Variants in PLEKHG4 observed in about 807,000 individuals in gnomAD.
PLEKHG4 encodes pleckstrin homology and RhoGEF domain containing G4, also known as puratrophin-1.
PLEKHG4 carries 85 observed loss-of-function variants against 136.9 expected under a neutral mutation model. That is an observed-to-expected ratio of 0.62 (90% CI 0.52 to 0.74). The LOEUF (loss-of-function observed/expected upper bound fraction) is 0.74. Ranked by LOEUF, PLEKHG4 falls within the 30% of genes least tolerant of loss-of-function variation. The probability of loss-of-function intolerance (pLI) is 0.00; values close to 1 mark genes in which losing one functional copy is unlikely to be tolerated. For synonymous variants in PLEKHG4, 577 were observed against 646.9 expected (o/e 0.89, Z 1.64); for missense variants, 1,317 against 1,527.8 (o/e 0.86, Z 2.30).
chr16:67,286,311 A>G lies in PLEKHG4; in HGVS notation c.2480A>G (p.Asn827Ser). The G allele has an allele frequency of 6.2e-7, 1 of 1,614,034 alleles. No individual in the cohort carries two copies. The highest frequency in any genetic ancestry group is 8.5e-7 in the Non-Finnish European group (1 of 1,179,922). Reference protein sequence around the residue: ...QFGMYALYSKNKPRSDALMSS... With the variant: ...QFGMYALYSKSKPRSDALMSS... Reference sequence around the variant, plus strand: ...GGGATGTACGCGCTCTACAGCAAGAATAAGCCTCGCTCCGATGCCCTGATG... The same window carrying G: ...GGGATGTACGCGCTCTACAGCAAGAGTAAGCCTCGCTCCGATGCCCTGATG... The change falls in exon 15 of 22, where the codon AAT (asparagine) becomes AGT (serine). Residue 827 changes from asparagine (N) to serine (S), a missense_variant. Coordinates refer to ENST00000379344, the MANE Select transcript of PLEKHG4 (RefSeq NM_001129729.3).
In PLEKHG4 at chr16:67,281,436, A is replaced by G. The variant is rs1056242933; in HGVS notation, c.814-131A>G. 7.5e-5 allele frequency: 60 copies of G among 804,892 alleles called. No individual in the cohort carries two copies. In the East Asian group the frequency reaches 1.6e-3, roughly 21 times the overall value. The allele number at this position is 804,892 out of a possible 1,614,324, so 49.9% of individuals were successfully genotyped here. On this transcript the variant is annotated intron_variant, in intron 5 of 21. Transcript: ENST00000379344. ...GAGGGGGTTTCACCATGTGTTGCCC[A>G]GGCTGATCTCGAACTCCTGAACTCA... is the stretch of plus-strand genomic sequence containing the variant.
At position 67,289,315 on chromosome 16, in the gene PLEKHG4, G is replaced by T. The variant is rs1236540722; in HGVS notation, c.*507G>T. On this transcript the variant is annotated 3_prime_UTR_variant, in exon 22 of 22. Transcript: ENST00000379344. ...CCAGGCCCAGCCCCTTTTTACTGGG[G>T]CAGTTTCGTTATTTTGACTTGATGC... 4.5e-6 allele frequency: 2 copies of T among 446,464 alleles called. No individual in the cohort carries two copies. Among genetic ancestry groups the T allele is most frequent in the South Asian group, 7.0e-5 (2 of 28,582 alleles). The allele number at this position is 446,464 out of a possible 1,614,324, so 27.7% of individuals were successfully genotyped here.
rs1444880857 is a variant in PLEKHG4 at position 67,284,509 on chromosome 16, C to T, written c.1692+52C>T. The T allele has an allele frequency of 1.6e-5, 25 of 1,579,508 alleles. No homozygotes were observed. Among genetic ancestry groups the T allele is most frequent in the Non-Finnish European group, 2.2e-5 (25 of 1,150,378 alleles). On this transcript the variant is annotated intron_variant, in intron 12 of 21. Coordinates refer to ENST00000379344, the MANE Select transcript of PLEKHG4 (RefSeq NM_001129729.3). This position sits in a 1 kb window ranked among gnomAD's most constrained non-coding sequence, Gnocchi z 4.4. ...GTGATCCATGAGGCCGGAGGGATGG[C>T]AGCCCCAGCTTCAGCAGAGCCTGAG...
intron 18 of PLEKHG4, chr16:67,287,546 T>A (rs756969561): frequency 1.2e-5 from 6 of 482,652 alleles, no homozygotes; most frequent in Non-Finnish European, 2.3e-5. Context: ...ACTACAGGCA[T>A]GTGCCACCAT....
rs1394863423 is a variant in PLEKHG4, at chr16:67,280,534, C to G, written c.490C>G (p.Leu164Val). The change falls in exon 2 of 22, where the codon CTG becomes GTG. Residue 164 changes from leucine to valine, a missense_variant. Physicochemically the swap from Leu to Val is conservative, Grantham distance 32. Coordinates refer to ENST00000379344, the MANE Select transcript of PLEKHG4 (RefSeq NM_001129729.3). This position sits in a 1 kb window ranked among gnomAD's most constrained non-coding sequence, Gnocchi z 4.4. The stretch of plus-strand genomic sequence containing the variant: ...CCCTTTATCAGAAATATCAAAGCTG[C>G]TGGAGGCAGGTAAGGAAGGCTGGGC... Reference protein sequence around the residue: ...GDPLSEISKLLEAAPSGSGLP... With the variant: ...GDPLSEISKLVEAAPSGSGLP... The G allele has an allele frequency of 6.2e-7, 1 of 1,612,812 alleles. No homozygotes were observed. Among genetic ancestry groups the G allele is most frequent in the Non-Finnish European group, 8.5e-7 (1 of 1,179,722 alleles).
At chr16:67,281,684 T>TC (rs748118918) in intron 6 of PLEKHG4, 40 bp downstream of exon 6, 2 of 1,608,052 alleles carry the variant, frequency 1.2e-6, no homozygotes, top group African/African-American at 1.3e-5. Flanking sequence ...GTGGGGTGCC[T>TC]CCCCCCAGGC....
At chr16:67,287,510 C>T (rs902367040) in intron 18 of PLEKHG4, 6 of 495,054 alleles carry the variant, frequency 1.2e-5, no homozygotes, top group Middle Eastern at 1.1e-3. Flanking sequence ...AGCATTCTTC[C>T]CACCTAAGCC....
intron 14 of PLEKHG4, 88 bp from the exon 15 acceptor site, chr16:67,286,186 G>T: frequency 1.1e-6 from 1 of 890,360 alleles, no homozygotes; most frequent in Non-Finnish European, 1.9e-6. Flanking sequence ...CTGGCATTTT[G>T]GTCCTCTCAA....
chr16:67,284,264 T>TGGG lies in PLEKHG4; in HGVS notation c.1510-10_1510-9insGGG. The TGGG allele has an allele frequency of 6.2e-7, 1 of 1,613,016 alleles. No homozygotes were observed. Among genetic ancestry groups the TGGG allele is most frequent in the South Asian group, 1.1e-5 (1 of 90,950 alleles). ...GCCTGGGCTGGCTGAGCCTAGTCTC[T>TGGG]GTCTCTGCAGGAGCAGGTCAGGCAA... On this transcript the variant is annotated splice_polypyrimidine_tract_variant and intron_variant, in intron 11 of 21. Transcript: ENST00000379344. This position sits in a 1 kb window ranked among gnomAD's most constrained non-coding sequence, Gnocchi z 4.4.
Position 67,285,130 on chromosome 16 carries a change from A to G in PLEKHG4, c.2110A>G (p.Arg704Gly). 6 of 1,613,482 alleles carry G rather than the reference A, an allele frequency of 3.7e-6. No individual in the cohort carries two copies. Among genetic ancestry groups the G allele is most frequent in the Non-Finnish European group, 5.1e-6 (6 of 1,180,020 alleles). ...HHAATIAACR[R>G]PEAGGGALPQ... ...TGCGGCCACTATTGCTGCCTGCCGC[A>G]GACCAGAGGCTGGAGGAGGTGCCCT... Residue 704 changes from arginine to glycine, a missense_variant, in exon 13 of 22, where the codon AGA (arginine) becomes GGA (glycine). By Grantham distance (125) the Arg-to-Gly change is moderately radical (BLOSUM62 -2). Transcript: ENST00000379344.
Position 67,284,074 on chromosome 16 carries a change from CGGTGAGG to C in PLEKHG4, c.1510-200_1510-194del, listed in dbSNP as rs1014196468. On this transcript the variant is annotated intron_variant, in intron 11 of 21. Coordinates refer to ENST00000379344, the MANE Select transcript of PLEKHG4 (RefSeq NM_001129729.3). The surrounding 1 kb of genome is among the most constrained non-coding windows in gnomAD (Gnocchi z 4.4). ...GGCTGGTGCGGAGGGCGAGACGAGA[CGGTGAGG>C]ACAGATGATTCCTCTAGGAACTTTG... is the stretch of plus-strand genomic sequence containing the variant. Among the ~76,000 whole-genome samples, 2 of 151,948 alleles carry C rather than the reference CGGTGAGG, an allele frequency of 1.3e-5. No homozygotes were observed. Among genetic ancestry groups the C allele is most frequent in the Admixed American group, 1.3e-4 (2 of 15,246 alleles).
Position 67,282,657 on chromosome 16 carries a change from C to T in PLEKHG4, c.1392+16C>T. ...ACTGCACCAGGTCGGAACTACTTGC[C>T]CAGAGTGGGCCCTGCCCCGATCTCA... On this transcript the variant is annotated intron_variant, in intron 10 of 21. Coordinates refer to ENST00000379344, the MANE Select transcript of PLEKHG4 (RefSeq NM_001129729.3). 1 of 1,613,800 alleles carries T rather than the reference C, an allele frequency of 6.2e-7. No individual in the cohort carries two copies. Among genetic ancestry groups the T allele is most frequent in the African/African-American group, 1.3e-5 (1 of 75,058 alleles).
chr16:67,282,117 C>T lies in PLEKHG4; in HGVS notation c.1104+10C>T. On this transcript the variant is annotated intron_variant, in intron 8 of 21. Coordinates refer to ENST00000379344, the MANE Select transcript of PLEKHG4 (RefSeq NM_001129729.3). The stretch of plus-strand genomic sequence containing the variant: ...GCCCATGGAGCCTGGGGTGAGTGTC[C>T]CCTCCCAGTCCCTCCATGAATGCTC... 1 of 1,612,866 alleles carries T rather than the reference C, an allele frequency of 6.2e-7. No homozygotes were observed. The highest frequency in any genetic ancestry group is 8.5e-7 in the Non-Finnish European group (1 of 1,179,350).
At position 67,285,108 on chromosome 16, in the gene PLEKHG4, G is replaced by A. The variant is rs201092570; in HGVS notation, c.2088G>A (p.Ala696=). The part of the protein sequence containing the change: ...LSEPACHCHH[A]ATIAACRRPE... Reference sequence around the variant, plus strand: ...AACCTGCCTGCCACTGCCACCATGCGGCCACTATTGCTGCCTGCCGCAGAC... The same window carrying A: ...AACCTGCCTGCCACTGCCACCATGCAGCCACTATTGCTGCCTGCCGCAGAC... The change falls in exon 13 of 22, where the codon GCG becomes GCA. Residue 696 remains alanine, a synonymous_variant. Transcript: ENST00000379344. 30 of 1,613,308 alleles carry A rather than the reference G, an allele frequency of 1.9e-5. No individual in the cohort carries two copies. Among genetic ancestry groups the A allele is most frequent in the African/African-American group, 2.7e-5 (2 of 74,938 alleles).
Position 67,284,885 on chromosome 16 carries a change from G to T in PLEKHG4, c.1865G>T (p.Arg622Leu), listed in dbSNP as rs540495984. The T allele has an allele frequency of 3.7e-6, 6 of 1,612,438 alleles. No homozygotes were observed. The highest frequency in any genetic ancestry group is 2.2e-5 in the East Asian group (1 of 44,854). The change falls in exon 13 of 22, where the codon CGC becomes CTC. Residue 622 changes from arginine to leucine, a missense_variant. By Grantham distance (102) the Arg-to-Leu change is moderately radical (BLOSUM62 -2). Transcript: ENST00000379344. The surrounding 1 kb of genome is among the most constrained non-coding windows in gnomAD (Gnocchi z 4.4). ...LATGLGSEAI[R>L]QECRWAWARC... is the part of the protein sequence containing the mutation. Reference sequence around the variant, plus strand: ...ACGGGGCTGGGCTCAGAGGCCATCCGCCAGGAGTGCCGCTGGGCCTGGGCG... The same window carrying T: ...ACGGGGCTGGGCTCAGAGGCCATCCTCCAGGAGTGCCGCTGGGCCTGGGCG...
In PLEKHG4 at chr16:67,284,919, G is replaced by T; in HGVS notation, c.1899G>T (p.Gln633His). Reference sequence around the variant, plus strand: ...GCCGCTGGGCCTGGGCGCGGTGCCAGGACACCTGGCTGGCCCTGGACCAAA... The same window carrying T: ...GCCGCTGGGCCTGGGCGCGGTGCCATGACACCTGGCTGGCCCTGGACCAAA... ...QECRWAWARC[Q>H]DTWLALDQKL... The change falls in exon 13 of 22, where the codon CAG (glutamine) becomes CAT (histidine). Residue 633 changes from glutamine (Q) to histidine (H), a missense_variant. Gln to His is a conservative substitution (Grantham distance 24, BLOSUM62 0). Coordinates refer to ENST00000379344, the MANE Select transcript of PLEKHG4 (RefSeq NM_001129729.3). This position sits in a 1 kb window ranked among gnomAD's most constrained non-coding sequence, Gnocchi z 4.4. 2 of 1,612,856 alleles carry T rather than the reference G, an allele frequency of 1.2e-6. No homozygotes were observed.
chr16:67,283,838 G>A (rs1216440831), intron 11 of PLEKHG4, among the ~76,000 whole-genome samples: 2 of 152,112 alleles, frequency 1.3e-5, no homozygotes, highest in African/African-American at 4.8e-5. Context: ...GAGTGCCTGG[G>A]AGAGCGAGTG....
chr16:67,284,349 G>A lies in PLEKHG4; in HGVS notation c.1584G>A (p.Gly528=). 2 of 1,613,960 alleles carry A rather than the reference G, an allele frequency of 1.2e-6. No homozygotes were observed. Among genetic ancestry groups the A allele is most frequent in the Non-Finnish European group, 8.5e-7 (1 of 1,179,968 alleles). Residue 528 remains glycine, a synonymous_variant, in exon 12 of 22, where the codon GGG becomes GGA. Transcript: ENST00000379344. The surrounding 1 kb of genome is among the most constrained non-coding windows in gnomAD (Gnocchi z 4.4). ...AGGCGGCTGAACTGGACCCCCCTGG[G>A]GCACGCTTTCTGGCCCTGCGAGCCC... ...GWEAAELDPP[G]ARFLALRAQL...
At chr16:67,281,871 T>C in intron 7 of PLEKHG4, 34 bp downstream of exon 7, 1 of 1,581,744 alleles carries the variant, frequency 6.3e-7, no homozygotes, top group Non-Finnish European at 8.7e-7. Context: ...GGGGCAGTCA[T>C]ATAGGCAACT....
Sources: allele counts gnomAD v4.1 joint callset (sites outside exome capture counted in the v4.1 genomes callset), GRCh38; gene constraint gnomAD v4.1.1; non-coding constraint Gnocchi (gnomAD v3.1); transcripts MANE v1.5; gene names NCBI Gene and HGNC (gene_info 2026-07-23, HGNC 2026-07-21).